Variants in KLF12 observed in about 807,000 individuals in gnomAD.
KLF12 encodes the protein KLF transcription factor 12, also known as Krueppel-like factor 12.
In KLF12, 9 loss-of-function variants were observed where a neutral mutation model predicts 37.8. The observed-to-expected ratio is 0.24, with a 90% confidence interval of 0.14 to 0.42. The LOEUF (loss-of-function observed/expected upper bound fraction) is 0.42. Ranked by LOEUF, KLF12 falls within the 10% of genes least tolerant of loss-of-function variation. The pLI, the probability that KLF12 is intolerant of heterozygous loss-of-function variation, is 1.00. For synonymous variants in KLF12, 208 were observed against 202.1 expected (o/e 1.03, Z -0.25); for missense variants, 411 against 516.0 (o/e 0.80, Z 1.97).
At chr13:74,073,788 A>C (rs1361650640) in intron 1 of KLF12, among the ~76,000 whole-genome samples, 3 of 152,204 alleles carry the variant, frequency 2.0e-5, no homozygotes, top group African/African-American at 7.2e-5. Flanking sequence ...CATTTACAAA[A>C]CAAAAGCTGA....
intron 6 of KLF12, among the ~76,000 whole-genome samples, chr13:73,738,124 TACACAC>T (rs199524649): frequency 2.1e-4 from 17 of 81,854 alleles, no homozygotes; most frequent in African/African-American, 8.6e-4. Context: ...TATATATATA[TACACAC>T]ACACACATAT....
the KLF12 span, among the ~76,000 whole-genome samples, chr13:74,173,345 G>A: frequency 0.033 from 5,089 of 152,232 alleles, 186 homozygotes; most frequent in African/African-American, 0.088. Context: ...ACTTCTCTCC[G>A]AAGCTTCTTT....
Position 73,786,757 on chromosome 13 carries a change from CAAA to C in KLF12, c.807-21760_807-21758del, listed in dbSNP as rs10568058. On this transcript the variant is annotated intron_variant, in intron 5 of 7. Transcript: ENST00000377669. Reference sequence around the variant, plus strand: ...ACGAAAAAAATAAAAATTACAAATACAAAAAAAAAAAAAAAAAATTAGCTGGGC... The same window carrying C: ...ACGAAAAAAATAAAAATTACAAATACAAAAAAAAAAAAAAATTAGCTGGGC... Among the ~76,000 whole-genome samples, 496 of 119,188 alleles carry C rather than the reference CAAA, an allele frequency of 4.2e-3. 3 individuals are homozygous for C. The highest frequency in any genetic ancestry group is 0.026 in the South Asian group (93 of 3,562). The allele number at this position is 119,188 out of a possible 152,430, so 78.2% of individuals were successfully genotyped here.
intron 4 of KLF12, among the ~76,000 whole-genome samples, chr13:73,829,784 A>C (rs932108906): frequency 2.6e-5 from 4 of 152,224 alleles, no homozygotes; most frequent in African/African-American, 9.6e-5. Flanking sequence ...ATGCTAAAAA[A>C]GTCTGTGGTG....
rs561900622 is a variant in KLF12 at position 74,031,217 on chromosome 13, C to A, written c.-31-36164G>T. On this transcript the variant is annotated intron_variant, in intron 1 of 7. Transcript: ENST00000377669. ...TCTTCCTTGACTAAGTCTCCTCTAG[C>A]AATACTATTGACTTTATATGTGATT... Among the ~76,000 whole-genome samples the A allele has an allele frequency of 5.7e-4, 87 of 152,236 alleles. 1 individual carries two copies. The highest frequency in any genetic ancestry group is 2.2e-4 in the Non-Finnish European group (15 of 67,986).
intron 1 of KLF12, among the ~76,000 whole-genome samples, chr13:74,128,453 C>T (rs1000331800): frequency 1.3e-5 from 2 of 152,162 alleles, no homozygotes; most frequent in African/African-American, 4.8e-5. Flanking sequence ...TGACTTTTGG[C>T]CACATTACCC....
At chr13:73,945,370 G>T (rs1890375237) in intron 2 of KLF12, among the ~76,000 whole-genome samples, 1 of 152,046 alleles carries the variant, frequency 6.6e-6, no homozygotes. Flanking sequence ...TCGGGAGGCT[G>T]AGGCAAGAGA....
chr13:74,027,204 A>G (rs1892996806), intron 1 of KLF12, among the ~76,000 whole-genome samples: 1 of 152,188 alleles, frequency 6.6e-6, no homozygotes, highest in Non-Finnish European at 1.5e-5. Flanking sequence ...AGCTTGCCTG[A>G]GAATTTGTGA....
intron 6 of KLF12, among the ~76,000 whole-genome samples, chr13:73,753,043 T>C (rs559059833): frequency 5.9e-5 from 9 of 152,004 alleles, no homozygotes; most frequent in East Asian, 5.8e-4. Context: ...TGAGCCACCA[T>C]GCCCAGCCTC....
At chr13:73,885,890 T>C (rs1247845490) in intron 3 of KLF12, among the ~76,000 whole-genome samples, 3 of 152,176 alleles carry the variant, frequency 2.0e-5, no homozygotes, top group Admixed American at 6.5e-5. Flanking sequence ...AAAGGCATTT[T>C]TAGAAGTTAT....
the KLF12 span, among the ~76,000 whole-genome samples, chr13:74,271,881 C>CT: frequency 6.6e-6 from 1 of 152,128 alleles, no homozygotes; most frequent in South Asian, 2.1e-4. Context: ...CAGACTCTAG[C>CT]TAGGAAGAAG....
intron 1 of KLF12, among the ~76,000 whole-genome samples, chr13:74,092,648 A>G (rs1307789843): frequency 6.6e-6 from 1 of 152,028 alleles, no homozygotes; most frequent in Admixed American, 6.6e-5. Flanking sequence ...AAACAAAAAA[A>G]AGAAAAAAGA....
rs532260000 is a variant in KLF12, at chr13:74,079,458, C to T, written c.-32+54281G>A. On this transcript the variant is annotated intron_variant, in intron 1 of 7. Transcript: ENST00000377669. ...AAAAGAACAGTATGTAAGATGGACT[C>T]GCAAAACTATAAAACTCTCGATCTG... Among the ~76,000 whole-genome samples, 139 of 152,218 alleles carry T rather than the reference C, an allele frequency of 9.1e-4. 1 individual carries two copies. The highest frequency in any genetic ancestry group is 8.7e-3 in the Admixed American group (133 of 15,292).
At position 74,003,120 on chromosome 13, in the gene KLF12, T is replaced by C. The variant is rs115461204; in HGVS notation, c.-31-8067A>G. 4.0e-3 allele frequency among the ~76,000 whole-genome samples: 605 copies of C among 152,306 alleles called. 3 individuals are homozygous for C. The highest frequency in any genetic ancestry group is 0.014 in the African/African-American group (578 of 41,578). The stretch of plus-strand genomic sequence containing the variant: ...TGAAAGTAAGTGATTAAAGTTAACA[T>C]TCTGTAATTCAGATTAAGATGCCAT... On this transcript the variant is annotated intron_variant, in intron 1 of 7. Transcript: ENST00000377669.
chr13:73,790,231 T>C (rs960779297), intron 5 of KLF12, among the ~76,000 whole-genome samples: 4 of 152,232 alleles, frequency 2.6e-5, no homozygotes, highest in African/African-American at 9.6e-5. Context: ...CAAATGTCTA[T>C]GTCTGACTTT....
chr13:73,768,269 T>C (rs1394583156), intron 5 of KLF12, among the ~76,000 whole-genome samples: 1 of 152,164 alleles, frequency 6.6e-6, no homozygotes, highest in African/African-American at 2.4e-5. Flanking sequence ...ATAAAATCTT[T>C]AGAATGGTGC....
At chr13:73,773,736 A>T (rs1196012980) in intron 5 of KLF12, among the ~76,000 whole-genome samples, 1 of 152,096 alleles carries the variant, frequency 6.6e-6, no homozygotes, top group African/African-American at 2.4e-5. Flanking sequence ...CCAAATCTCA[A>T]CACGGCCCGA....
At chr13:74,281,689 A>G in the KLF12 span, among the ~76,000 whole-genome samples, 1 of 152,234 alleles carries the variant, frequency 6.6e-6, no homozygotes, top group African/African-American at 2.4e-5. Flanking sequence ...AGTGGCTCAC[A>G]TAAATCATTT....
At chr13:73,947,770 A>G (rs1208434810) in intron 2 of KLF12, among the ~76,000 whole-genome samples, 1 of 152,078 alleles carries the variant, frequency 6.6e-6, no homozygotes, top group Non-Finnish European at 1.5e-5. Flanking sequence ...TTCTGAATGT[A>G]ATGTGCAGCA....
Sources: allele counts gnomAD v4.1 joint callset (sites outside exome capture counted in the v4.1 genomes callset), GRCh38; gene constraint gnomAD v4.1.1; transcripts MANE v1.5; gene names NCBI Gene and HGNC (gene_info 2026-07-23, HGNC 2026-07-21).